Variants in ZNF804A observed in about 807,000 individuals in gnomAD.
The protein encoded by ZNF804A is zinc finger protein 804A.
ZNF804A carries 2 observed loss-of-function variants against 16.5 expected under a neutral mutation model. The ratio of observed to expected loss-of-function variants is 0.12; its 90% CI spans 0.05 to 0.38. The LOEUF is 0.38. Among genes scored for constraint, ZNF804A ranks in the 10% least tolerant of loss-of-function variants. The pLI is 0.99. For synonymous variants in ZNF804A, 534 were observed against 489.6 expected (o/e 1.09, Z -1.20); for missense variants, 1,473 against 1,390.7 (o/e 1.06, Z -0.94).
chr2:184,919,562 A>T (rs1685499423), intron 2 of ZNF804A, among the ~76,000 whole-genome samples: 2 of 152,166 alleles, frequency 1.3e-5, no homozygotes. Context: ...TTTATGTGGG[A>T]CACAAACGTC....
At chr2:184,746,765 C>T (rs996346157) in intron 1 of ZNF804A, among the ~76,000 whole-genome samples, 11 of 151,414 alleles carry the variant, frequency 7.3e-5, no homozygotes, top group African/African-American at 2.7e-4. Flanking sequence ...CCATTGTTTT[C>T]ATTATTAACT....
At chr2:184,821,353 C>T (rs546469053) in intron 1 of ZNF804A, among the ~76,000 whole-genome samples, 21 of 152,192 alleles carry the variant, frequency 1.4e-4, no homozygotes, top group African/African-American at 5.1e-4. Context: ...GGAGAACTGG[C>T]TAGCCATATG....
intron 1 of ZNF804A, among the ~76,000 whole-genome samples, chr2:184,623,717 G>C (rs1283203413): frequency 6.6e-6 from 1 of 152,058 alleles, no homozygotes; most frequent in Non-Finnish European, 1.5e-5. Context: ...CCATTGCACT[G>C]ACCACAATCT....
intron 1 of ZNF804A, among the ~76,000 whole-genome samples, chr2:184,833,022 C>G (rs181879192): frequency 1.3e-5 from 2 of 152,068 alleles, no homozygotes; most frequent in African/African-American, 4.8e-5. Flanking sequence ...CAGTGAGATT[C>G]CTGAGTTGCA....
chr2:184,870,852 T>C (rs1467974310), intron 2 of ZNF804A, among the ~76,000 whole-genome samples: 1 of 151,884 alleles, frequency 6.6e-6, no homozygotes, highest in African/African-American at 2.4e-5. Context: ...ATTCGAACAT[T>C]CATAAATGTC....
intron 1 of ZNF804A, among the ~76,000 whole-genome samples, chr2:184,828,387 G>T (rs1345989510): frequency 6.6e-6 from 1 of 151,626 alleles, no homozygotes; most frequent in Non-Finnish European, 1.5e-5. Context: ...TAAAAACTGT[G>T]TATTCTATTT....
intron 2 of ZNF804A, among the ~76,000 whole-genome samples, chr2:184,868,930 A>G (rs1695927557): frequency 6.6e-6 from 1 of 152,092 alleles, no homozygotes; most frequent in African/African-American, 2.4e-5. Context: ...TTGGTTTCCC[A>G]TAGAAAATAC....
At chr2:184,639,309 G>C (rs1691754670) in intron 1 of ZNF804A, among the ~76,000 whole-genome samples, 1 of 151,644 alleles carries the variant, frequency 6.6e-6, no homozygotes, top group African/African-American at 2.4e-5. Flanking sequence ...CCTGACCTCA[G>C]GTGATCCACC....
intron 1 of ZNF804A, among the ~76,000 whole-genome samples, chr2:184,752,711 G>A (rs1328285394): frequency 6.6e-6 from 1 of 151,420 alleles, no homozygotes; most frequent in Non-Finnish European, 1.5e-5. Flanking sequence ...AATACGTAAA[G>A]CTTAATATTC....
chr2:184,686,288 T>C (rs1692629729), intron 1 of ZNF804A, among the ~76,000 whole-genome samples: 1 of 152,128 alleles, frequency 6.6e-6, no homozygotes, highest in Non-Finnish European at 1.5e-5. Context: ...CTTTTCCAGC[T>C]CTTGCTGGCC....
chr2:184,765,608 C>A (rs1194415280), intron 1 of ZNF804A, among the ~76,000 whole-genome samples: 7 of 144,342 alleles, frequency 4.8e-5, no homozygotes, highest in African/African-American at 1.6e-4. Context: ...CACATGCACC[C>A]CCCCCCCTTA....
chr2:184,824,223 A>G lies in ZNF804A; in HGVS notation c.112-42146A>G, dbSNP rs117548932. 7.2e-3 allele frequency among the ~76,000 whole-genome samples: 1,091 copies of G among 152,282 alleles called. 27 individuals carry two copies. Among genetic ancestry groups the G allele is most frequent in the Admixed American group, 0.051 (785 of 15,256 alleles). ...TTAAATTAAATTAAAATCTTATCAA[A>G]TAAAGATAAATTCACATTCTGTTTA... On this transcript the variant is annotated intron_variant, in intron 1 of 3. Transcript: ENST00000302277.
intron 2 of ZNF804A, among the ~76,000 whole-genome samples, chr2:184,907,178 A>G (rs2105830036): frequency 1.3e-5 from 2 of 152,284 alleles, no homozygotes; most frequent in South Asian, 4.1e-4. Flanking sequence ...AACTGTGACA[A>G]TCTATGAAAC....
At chr2:184,754,346 C>T (rs1693925454) in intron 1 of ZNF804A, among the ~76,000 whole-genome samples, 1 of 151,906 alleles carries the variant, frequency 6.6e-6, no homozygotes, top group South Asian at 2.1e-4. Flanking sequence ...TGATAAATAA[C>T]AATTGGTAAA....
chr2:184,706,792 G>A (rs757676131), intron 1 of ZNF804A, among the ~76,000 whole-genome samples: 1 of 152,170 alleles, frequency 6.6e-6, no homozygotes, highest in African/African-American at 2.4e-5. Flanking sequence ...AACTTCGTGT[G>A]TCAATATATC....
chr2:184,744,492 C>T (rs13404024), intron 1 of ZNF804A, among the ~76,000 whole-genome samples: 21,631 of 151,796 alleles, frequency 0.14, 1,678 homozygotes, highest in Middle Eastern at 0.24. Context: ...GCCCCTTCCA[C>T]CATGTGAGGA....
At chr2:184,802,726 CA>C (rs1318662803) in intron 1 of ZNF804A, among the ~76,000 whole-genome samples, 1 of 152,152 alleles carries the variant, frequency 6.6e-6, no homozygotes, top group Non-Finnish European at 1.5e-5. Flanking sequence ...TAGTATCTTC[CA>C]AACCCTATAT....
At chr2:184,904,472 A>T (rs10497661) in intron 2 of ZNF804A, among the ~76,000 whole-genome samples, 1 of 152,076 alleles carries the variant, frequency 6.6e-6, no homozygotes, top group African/African-American at 2.4e-5. Flanking sequence ...GTGGCATGGC[A>T]TTAGACCTTA....
At chr2:184,881,378 T>A (rs566672372) in intron 2 of ZNF804A, among the ~76,000 whole-genome samples, 1 of 147,654 alleles carries the variant, frequency 6.8e-6, no homozygotes, top group African/African-American at 2.4e-5. Flanking sequence ...TTTCCCAAAC[T>A]TACTTAGATT....
Sources: allele counts gnomAD v4.1 joint callset (sites outside exome capture counted in the v4.1 genomes callset), GRCh38; gene constraint gnomAD v4.1.1; transcripts MANE v1.5; gene names NCBI Gene and HGNC (gene_info 2026-07-23, HGNC 2026-07-21).